The following TAPT1 variants were observed in gnomAD, a reference collection of about 807,000 sequenced individuals.
The protein encoded by TAPT1 is transmembrane anterior posterior transformation protein 1 homolog.
TAPT1 carries 28 observed loss-of-function variants against 65.6 expected under a neutral mutation model. That is an observed-to-expected ratio of 0.43 (90% CI 0.32 to 0.59). The LOEUF is 0.59. TAPT1 is among the 20% of genes least tolerant of loss of function. TAPT1 has a pLI of 0.09. For synonymous variants in TAPT1, 278 were observed against 245.2 expected (o/e 1.13, Z -1.25); for missense variants, 563 against 679.9 (o/e 0.83, Z 1.91).
intron 12 of TAPT1, among the ~76,000 whole-genome samples, chr4:16,168,179 T>C (rs1346687596): frequency 6.6e-6 from 1 of 152,008 alleles, no homozygotes. Context: ...AGTGGCATGA[T>C]CATCGCTCAC....
chr4:16,212,896 A>G (rs1162804790), intron 2 of TAPT1, among the ~76,000 whole-genome samples: 1 of 152,210 alleles, frequency 6.6e-6, no homozygotes, highest in Admixed American at 6.5e-5. Context: ...ACTATCAGAA[A>G]TAGAACATCA....
At position 16,224,225 on chromosome 4, in the gene TAPT1, T is replaced by C. The variant is rs371575903; in HGVS notation, c.199+2034A>G. On this transcript the variant is annotated intron_variant, in intron 1 of 13. Coordinates refer to ENST00000405303, the MANE Select transcript of TAPT1 (RefSeq NM_153365.3). Reference sequence around the variant, plus strand: ...CTGACCCAGGCCAGCTCCTAGGGAATCGTTTTTAAAAATTCTTAAAAGGAG... The same window carrying C: ...CTGACCCAGGCCAGCTCCTAGGGAACCGTTTTTAAAAATTCTTAAAAGGAG... Among the ~76,000 whole-genome samples, 48 of 152,220 alleles carry C rather than the reference T, an allele frequency of 3.2e-4. No individual in the cohort carries two copies. In the South Asian group the frequency reaches 1.0e-2, roughly 32 times the overall value.
chr4:16,186,918 T>C, intron 5 of TAPT1, 40 bp from the exon 6 acceptor site: 1 of 1,164,988 alleles, frequency 8.6e-7, no homozygotes, highest in Non-Finnish European at 1.3e-6. Context: ...TTTGCTTTCA[T>C]ATTATTACTG....
chr4:16,217,069 G>C (rs761946132), intron 1 of TAPT1, among the ~76,000 whole-genome samples: 2 of 152,122 alleles, frequency 1.3e-5, no homozygotes, highest in African/African-American at 2.4e-5. Context: ...TCCTTGGTCT[G>C]AGAATCCCCT....
At chr4:16,185,649 G>GT (rs1188072601) in intron 7 of TAPT1, among the ~76,000 whole-genome samples, 1 of 152,128 alleles carries the variant, frequency 6.6e-6, no homozygotes, top group Non-Finnish European at 1.5e-5. Flanking sequence ...GATTACAGGC[G>GT]TTAGCCACTG....
intron 7 of TAPT1, chr4:16,182,960 C>T (rs1464069788): frequency 1.3e-5 from 2 of 152,174 alleles, no homozygotes; most frequent in East Asian, 1.9e-4. Flanking sequence ...CTGAACCTTA[C>T]ACTACGTATC....
In TAPT1 at chr4:16,174,206, A is replaced by C. The variant is rs1748181678; in HGVS notation, c.1234T>G (p.Leu412Val). Residue 412 changes from leucine (L) to valine (V), a missense_variant and splice_region_variant, in exon 11 of 14, where the codon TTA becomes GTA. Physicochemically the swap from Leu to Val is conservative, Grantham distance 32 (BLOSUM62 1). Transcript: ENST00000405303. Reference protein sequence around the residue: ...MGFIPLPLAVLLIRVVTSSIK... With the variant: ...MGFIPLPLAVVLIRVVTSSIK... ...AACATTAAAAAGTATGCACTTACTA[A>C]AACAGCTAGTGGGAGAGGAATAAAG... 6.2e-7 allele frequency: 1 copy of C among 1,603,096 alleles called. No homozygotes were observed. Among genetic ancestry groups the C allele is most frequent in the African/African-American group, 1.3e-5 (1 of 74,718 alleles).
intron 3 of TAPT1, among the ~76,000 whole-genome samples, chr4:16,199,720 T>C (rs910830731): frequency 6.6e-5 from 10 of 152,102 alleles, no homozygotes. Context: ...GCCTCCCAAG[T>C]AGCTGGGACT....
chr4:16,186,781 A>G lies in TAPT1; in HGVS notation c.846T>C (p.Asn282=). 1.3e-6 allele frequency: 2 copies of G among 1,584,098 alleles called. No individual in the cohort carries two copies. ...KSLLTIMMSN[N]FVEIKGSVFK... ...AATGTAAGATAAATCTCATACTTAC[A>G]TTATTAGACATCATGATAGTAAGCA... The change falls in exon 6 of 14, where the codon AAT becomes AAC. Residue 282 remains asparagine (N), a splice_region_variant and synonymous_variant. Coordinates refer to ENST00000405303, the MANE Select transcript of TAPT1 (RefSeq NM_153365.3).
chr4:16,184,098 C>T lies in TAPT1; in HGVS notation c.916+2437G>A, dbSNP rs79445212. On this transcript the variant is annotated intron_variant, in intron 7 of 13. Coordinates refer to ENST00000405303, the MANE Select transcript of TAPT1 (RefSeq NM_153365.3). ...AGTACATTATGTGATGAGTTCTGAT[C>T]AATGCATAACTTGAGACACCAAGCC... Among the ~76,000 whole-genome samples the T allele has an allele frequency of 6.8e-4, 103 of 152,298 alleles. 2 individuals are homozygous for T. The highest frequency in any genetic ancestry group is 2.4e-3 in the African/African-American group (100 of 41,572).
chr4:16,183,019 G>GA (rs1383416777), intron 7 of TAPT1: 2 of 152,044 alleles, frequency 1.3e-5, no homozygotes, highest in East Asian at 1.9e-4. Flanking sequence ...AAATTCATAA[G>GA]AAAAAAATAG....
intron 3 of TAPT1, among the ~76,000 whole-genome samples, chr4:16,201,938 T>C (rs1003815668): frequency 6.6e-6 from 1 of 152,312 alleles, no homozygotes; most frequent in African/African-American, 2.4e-5. Context: ...CCAGAGTTTT[T>C]CCACTCTCAC....
chr4:16,183,358 C>T (rs955554990), intron 7 of TAPT1, among the ~76,000 whole-genome samples: 2 of 151,928 alleles, frequency 1.3e-5, no homozygotes, highest in Admixed American at 1.3e-4. Flanking sequence ...AAAATAAAGT[C>T]CAAATTTCTT....
chr4:16,172,663 T>G (rs1748080771), intron 11 of TAPT1, among the ~76,000 whole-genome samples: 1 of 152,176 alleles, frequency 6.6e-6, no homozygotes, highest in Non-Finnish European at 1.5e-5. Context: ...ATTAATCATC[T>G]GTCATCTAAA....
chr4:16,164,185 A>G (rs1396824347), intron 13 of TAPT1, among the ~76,000 whole-genome samples: 1 of 152,272 alleles, frequency 6.6e-6, no homozygotes, highest in African/African-American at 2.4e-5. Context: ...AGCTGTACAC[A>G]TTTAAAATGT....
chr4:16,173,623 T>C (rs1748145467), intron 11 of TAPT1, among the ~76,000 whole-genome samples: 1 of 152,222 alleles, frequency 6.6e-6, no homozygotes, highest in African/African-American at 2.4e-5. Flanking sequence ...TTTTAAAAAG[T>C]ATTAATTACC....
rs1337013734 is a variant in TAPT1, at chr4:16,188,463, A to G, written c.613-108T>C. ...GGAGATCTGTGTTTTAAATCCTAGT[A>G]GAAGGCAAGCTAAAGAGGAGTGAGG... On this transcript the variant is annotated intron_variant, in intron 4 of 13. Coordinates refer to ENST00000405303, the MANE Select transcript of TAPT1 (RefSeq NM_153365.3). The G allele has an allele frequency of 4.6e-6, 4 of 860,778 alleles. No homozygotes were observed. The Admixed American group carries it at 1.3e-4, about 28-fold the overall frequency. The allele number at this position is 860,778 out of a possible 1,614,324, so 53.3% of individuals were successfully genotyped here. A position where few individuals can be genotyped will look rare whatever the true frequency, so the allele number is the denominator to read the frequency against.
intron 12 of TAPT1, 196 bp from the exon 13 acceptor site, chr4:16,166,989 CTCT>C (rs1560148767): frequency 6.8e-6 from 2 of 292,814 alleles, no homozygotes; most frequent in South Asian, 5.8e-5. Flanking sequence ...TTCCTTAGTT[CTCT>C]TTTTTTTTTT....
At chr4:16,175,516 G>A (rs1242525869) in intron 9 of TAPT1, among the ~76,000 whole-genome samples, 2 of 152,048 alleles carry the variant, frequency 1.3e-5, no homozygotes, top group African/African-American at 4.8e-5. Flanking sequence ...GAAAACTGTG[G>A]AACTATTATT....
Sources: gnomAD v4.1 joint callset for allele counts (sites outside exome capture counted in the v4.1 genomes callset) on GRCh38, gnomAD v4.1.1 for gene constraint, MANE v1.5 for transcripts, NCBI Gene and HGNC (gene_info 2026-07-23, HGNC 2026-07-21) for gene names.